PCLO: variants seen among roughly 807,000 people sequenced by gnomAD.
The protein encoded by PCLO is protein piccolo.
In PCLO, 82 loss-of-function variants were observed where a neutral mutation model predicts 427.5. That is an observed-to-expected ratio of 0.19 (90% CI 0.16 to 0.23). The LOEUF is 0.23. Among genes scored for constraint, PCLO ranks in the 10% least tolerant of loss-of-function variants. PCLO has a pLI of 1.00. For synonymous variants in PCLO, 2,357 were observed against 2,155.4 expected, an observed-to-expected ratio of 1.09 and a Z score of -2.59; for missense variants, 6,239 against 6,115.9, an observed-to-expected ratio of 1.02 and a Z score of -0.67.
chr7:82,958,116 C>T (rs1584221363), intron 4 of PCLO, among the ~76,000 whole-genome samples: 1 of 152,144 alleles, frequency 6.6e-6, no homozygotes. Flanking sequence ...GAACAGCTGC[C>T]TAAGAGCATG....
chr7:82,775,837 G>T (rs1377448148), intron 22 of PCLO, among the ~76,000 whole-genome samples: 1 of 152,026 alleles, frequency 6.6e-6, no homozygotes, highest in East Asian at 1.9e-4. Context: ...TTTGCATTTT[G>T]CATTAAAGTC....
rs180791335 is a variant in PCLO, at chr7:83,127,904, C to T, written c.3300+6346G>A. On this transcript the variant is annotated intron_variant, in intron 3 of 24. Coordinates refer to ENST00000333891, the MANE Select transcript of PCLO (RefSeq NM_033026.6). ...ACTTTGATCATTAGGCCACACCAGG[C>T]ATCAGCAGTGTATCTCTTGACAATG... Among the ~76,000 whole-genome samples, 291 of 152,220 alleles carry T rather than the reference C, an allele frequency of 1.9e-3. 2 individuals are homozygous for T. Among genetic ancestry groups the T allele is most frequent in the African/African-American group, 6.6e-3 (274 of 41,584 alleles).
At position 83,155,807 on chromosome 7, in the gene PCLO, T is replaced by C. The variant is rs1455540575; in HGVS notation, c.834A>G (p.Ala278=). 2 of 1,613,916 alleles carry C rather than the reference T, an allele frequency of 1.2e-6. No individual in the cohort carries two copies. The highest frequency in any genetic ancestry group is 2.2e-5 in the East Asian group (1 of 44,864). ...DHAKLPLQRD[A]SRPQTKQADI... ...CTGCCTGTTTAGTCTGAGGCCTGGA[T>C]GCATCTCGTTGAAGTGGCAATTTTG... The change falls in exon 2 of 25, where the codon GCA becomes GCG. Residue 278 remains alanine, a synonymous_variant. Transcript: ENST00000333891.
intron 10 of PCLO, among the ~76,000 whole-genome samples, chr7:82,857,299 A>G (rs12707524): frequency 0.18 from 27,315 of 152,066 alleles, 2,736 homozygotes; most frequent in Middle Eastern, 0.22. Flanking sequence ...TAGTTGATGC[A>G]CTTAGGAATG....
At chr7:83,012,315 A>G (rs933022613) in intron 3 of PCLO, among the ~76,000 whole-genome samples, 2 of 152,026 alleles carry the variant, frequency 1.3e-5, no homozygotes, top group Non-Finnish European at 2.9e-5. Context: ...GTTGACTGAT[A>G]ATTGTTTTTA....
chr7:82,803,463 C>A (rs1791400230), intron 21 of PCLO, among the ~76,000 whole-genome samples: 1 of 151,842 alleles, frequency 6.6e-6, no homozygotes. Flanking sequence ...ATGGTGATAC[C>A]CAGCCAGTCT....
chr7:83,137,234 A>G (rs941383620), intron 2 of PCLO, among the ~76,000 whole-genome samples: 1 of 152,216 alleles, frequency 6.6e-6, no homozygotes, highest in African/African-American at 2.4e-5. Context: ...AACTTCTTTG[A>G]AATTATTTAA....
At chr7:83,010,267 T>A (rs1407403151) in intron 3 of PCLO, among the ~76,000 whole-genome samples, 6 of 152,076 alleles carry the variant, frequency 3.9e-5, no homozygotes, top group Admixed American at 1.3e-4. Context: ...CAACTTCTTA[T>A]GATGTCCCCA....
chr7:83,030,606 C>T (rs1335472467), intron 3 of PCLO, among the ~76,000 whole-genome samples: 1 of 152,110 alleles, frequency 6.6e-6, no homozygotes, highest in South Asian at 2.1e-4. Context: ...AGGAACACAC[C>T]CCAGAAGCAA....
At chr7:82,857,631 T>C (rs1453401321) in intron 10 of PCLO, among the ~76,000 whole-genome samples, 1 of 152,074 alleles carries the variant, frequency 6.6e-6, no homozygotes, top group Middle Eastern at 3.2e-3. Context: ...ATTTGACAGA[T>C]AAAATACCCA....
intron 10 of PCLO, among the ~76,000 whole-genome samples, chr7:82,860,059 G>A (rs1318559272): frequency 6.6e-6 from 1 of 151,910 alleles, no homozygotes; most frequent in Non-Finnish European, 1.5e-5. Context: ...TAAAAATAAA[G>A]CACACCTACA....
chr7:82,916,011 G>T lies in PCLO; in HGVS notation c.11975C>A (p.Ser3992Tyr). Residue 3992 changes from serine (S) to tyrosine (Y), a missense_variant, in exon 7 of 25, where the codon TCT (serine) becomes TAT (tyrosine). Ser to Tyr is a moderately radical substitution (Grantham distance 144). Coordinates refer to ENST00000333891, the MANE Select transcript of PCLO (RefSeq NM_033026.6). ...RNQPLMIAPV[S>Y]TDNTFAVSHL... ...GGAAACAGCAAATGTGTTATCCGTAGAAACAGGTGCTATCATAAGGGGTTG... is the reference window on the plus strand; with the variant it reads ...GGAAACAGCAAATGTGTTATCCGTATAAACAGGTGCTATCATAAGGGGTTG... 6.2e-7 allele frequency: 1 copy of T among 1,612,748 alleles called. No homozygotes were observed. The highest frequency in any genetic ancestry group is 8.5e-7 in the Non-Finnish European group (1 of 1,179,782).
chr7:83,008,289 T>TTTAAGG (rs1554374249), intron 3 of PCLO, among the ~76,000 whole-genome samples: 1 of 151,674 alleles, frequency 6.6e-6, no homozygotes, highest in Non-Finnish European at 1.5e-5. Flanking sequence ...AAAATAGTCA[T>TTTAAGG]TAAAATATAG....
At chr7:82,798,205 T>A (rs17284118) in intron 22 of PCLO, among the ~76,000 whole-genome samples, 3,918 of 152,210 alleles carry the variant, frequency 0.026, 71 homozygotes, top group Non-Finnish European at 0.038. Context: ...AGTGCTTAAA[T>A]GAATAATATA....
At chr7:82,987,902 T>TA (rs1796290876) in intron 3 of PCLO, among the ~76,000 whole-genome samples, 1 of 152,050 alleles carries the variant, frequency 6.6e-6, no homozygotes, top group Non-Finnish European at 1.5e-5. Flanking sequence ...AAAATGAAGG[T>TA]AAAATCAGTC....
chr7:83,014,315 AT>A (rs1281088876), intron 3 of PCLO, among the ~76,000 whole-genome samples: 1 of 152,132 alleles, frequency 6.6e-6, no homozygotes. Context: ...AAGCAGAAGT[AT>A]TTCTCAGTTG....
At chr7:82,761,626 A>G in intron 22 of PCLO, 133 bp from the exon 23 acceptor site, 1 of 607,620 alleles carries the variant, frequency 1.6e-6, no homozygotes, top group South Asian at 2.0e-5. Context: ...AGTGCTAAAT[A>G]TCTTATGACT....
chr7:83,036,361 G>C (rs569390439), intron 3 of PCLO, among the ~76,000 whole-genome samples: 24 of 152,216 alleles, frequency 1.6e-4, no homozygotes, highest in Non-Finnish European at 1.8e-4. Context: ...CCTCACCTCT[G>C]GAGATCACAC....
chr7:82,866,422 C>T (rs1248218883), intron 10 of PCLO, among the ~76,000 whole-genome samples: 2 of 151,860 alleles, frequency 1.3e-5, no homozygotes, highest in African/African-American at 4.8e-5. Flanking sequence ...AAGACCCATG[C>T]TTTCTTCACT....
Sources: allele counts gnomAD v4.1 joint callset (sites outside exome capture counted in the v4.1 genomes callset), GRCh38; gene constraint gnomAD v4.1.1; transcripts MANE v1.5; gene names NCBI Gene and HGNC (gene_info 2026-07-23, HGNC 2026-07-21).